Variants in CLN8 observed in about 807,000 individuals in gnomAD.
CLN8 encodes CLN8 transmembrane ER and ERGIC protein.
A neutral mutation model predicts 15.7 loss-of-function variants in CLN8; 14 were observed. The observed-to-expected ratio is 0.89, with a 90% CI of 0.59 to 1.39. The LOEUF (loss-of-function observed/expected upper bound fraction) is 1.39, where lower values mean the gene tolerates loss of function less well. Among genes scored for constraint, CLN8 ranks in the 40% most tolerant of loss-of-function variants. The probability of loss-of-function intolerance (pLI) is 0.00; values close to 1 mark genes in which losing one functional copy is unlikely to be tolerated. For missense variants in CLN8, 415 were observed against 364.0 expected (o/e 1.14, Z -1.14); for synonymous variants, 188 against 151.0 (o/e 1.25, Z -1.80).
At position 1,764,109 on chromosome 8, in the gene CLN8, C is replaced by G. The variant is rs113425042; in HGVS notation, c.-124+224C>G. On this transcript the variant is annotated intron_variant, in intron 1 of 2. Coordinates refer to ENST00000331222, the MANE Select transcript of CLN8 (RefSeq NM_018941.4). Reference sequence around the variant, plus strand: ...CTGAGGGGGAACCCAGATGGGCGCGCGGGAGCCCACGTGAGGGGGAGCCCG... The same window carrying G: ...CTGAGGGGGAACCCAGATGGGCGCGGGGGAGCCCACGTGAGGGGGAGCCCG... Among the ~76,000 whole-genome samples, 106 of 149,722 alleles carry G rather than the reference C, an allele frequency of 7.1e-4. 1 individual carries two copies. The highest frequency in any genetic ancestry group is 2.4e-3 in the African/African-American group (98 of 40,618).
intron 2 of CLN8, among the ~76,000 whole-genome samples, chr8:1,778,440 T>G (rs1004895678): frequency 6.6e-6 from 1 of 152,202 alleles, no homozygotes; most frequent in Non-Finnish European, 1.5e-5. Flanking sequence ...CCCTGTCCCA[T>G]TCAGTTTGGA....
intron 1 of CLN8, chr8:1,764,517 C>T (rs1001630194): frequency 1.3e-5 from 2 of 152,424 alleles, no homozygotes; most frequent in African/African-American, 2.4e-5. Flanking sequence ...GCAGGTGTCA[C>T]GTGGGTGTGG....
upstream of CLN8, chr8:1,762,319 G>A (rs1050792251): frequency 2.0e-5 from 3 of 152,216 alleles, no homozygotes; most frequent in Non-Finnish European, 4.4e-5. Context: ...GAGTAGCTGA[G>A]ATTACAGGTG....
At chr8:1,757,437 T>C (rs912025016) in intron 1 of CLN8, among the ~76,000 whole-genome samples, 14 of 152,288 alleles carry the variant, frequency 9.2e-5, no homozygotes, top group Middle Eastern at 3.4e-3. Flanking sequence ...AAGGCACTTT[T>C]TTTGGTTTTG....
chr8:1,757,331 G>A (rs1800693980), intron 1 of CLN8, among the ~76,000 whole-genome samples: 1 of 152,220 alleles, frequency 6.6e-6, no homozygotes, highest in South Asian at 2.1e-4. Flanking sequence ...TCCAGACACT[G>A]CCAAATGTCC....
In CLN8 at chr8:1,771,000, T is replaced by C. The variant is rs886996594; in HGVS notation, c.-55T>C. The C allele has an allele frequency of 7.7e-6, 12 of 1,556,144 alleles. No individual in the cohort carries two copies. The African/African-American group carries it at 1.1e-4, about 14-fold the overall frequency. On this transcript the variant is annotated 5_prime_UTR_variant, in exon 2 of 3. Coordinates refer to ENST00000331222, the MANE Select transcript of CLN8 (RefSeq NM_018941.4). ...CTTCATTTCCTTAGACAAGACACAGTGTAGGGCCCGGCCCGTGTTGGCCCC... is the reference window on the plus strand; with the variant it reads ...CTTCATTTCCTTAGACAAGACACAGCGTAGGGCCCGGCCCGTGTTGGCCCC...
chr8:1,775,356 G>A (rs1442360318), intron 2 of CLN8, among the ~76,000 whole-genome samples: 1 of 152,122 alleles, frequency 6.6e-6, no homozygotes, highest in Non-Finnish European at 1.5e-5. Flanking sequence ...GTCCCCCAAG[G>A]ATACTGAGGG....
chr8:1,763,250 G>C (rs1232229956), upstream of CLN8: 1 of 151,930 alleles, frequency 6.6e-6, no homozygotes, highest in Non-Finnish European at 1.5e-5. Flanking sequence ...GGTCCCCTCG[G>C]CCCCGTCCGG....
chr8:1,767,842 A>G (rs1327437121), intron 1 of CLN8, among the ~76,000 whole-genome samples: 1 of 151,770 alleles, frequency 6.6e-6, no homozygotes, highest in Non-Finnish European at 1.5e-5. Context: ...AAGTGCTGGG[A>G]TTACAGGCGT....
chr8:1,780,380 G>A lies in CLN8; in HGVS notation c.674G>A (p.Ser225Asn). 1 of 1,614,268 alleles carries A rather than the reference G, an allele frequency of 6.2e-7. No individual in the cohort carries two copies. Among genetic ancestry groups the A allele is most frequent in the Non-Finnish European group, 8.5e-7 (1 of 1,180,048 alleles). ...TGGCACTGGGACGGCCTGGTCAGCA[G>A]CCTGTATCTGCCTCATTTGACACTG... ...CFWHWDGLVS[S>N]LYLPHLTLFL... Residue 225 changes from serine to asparagine, a missense_variant, in exon 3 of 3, where the codon AGC becomes AAC. Transcript: ENST00000331222.
At chr8:1,772,190 C>T (rs1159888335) in intron 2 of CLN8, among the ~76,000 whole-genome samples, 3 of 152,036 alleles carry the variant, frequency 2.0e-5, no homozygotes, top group Non-Finnish European at 4.4e-5. Flanking sequence ...CCTGCCTGGG[C>T]CTCCCAAAGT....
upstream of CLN8, among the ~76,000 whole-genome samples, chr8:1,761,547 ACTT>A (rs1267444575): frequency 1.3e-5 from 2 of 152,080 alleles, no homozygotes; most frequent in Non-Finnish European, 2.9e-5. Context: ...CTGGTCTTGA[ACTT>A]CTGACCTCAA....
chr8:1,759,497 A>G (rs1800742818), upstream of CLN8: 1 of 152,222 alleles, frequency 6.6e-6, no homozygotes, highest in African/African-American at 2.4e-5. Context: ...AGGTGATAAG[A>G]TACCGAGGGT....
In CLN8 at chr8:1,782,853, A is replaced by G. The variant is rs530303738; in HGVS notation, c.*2286A>G. 1 of 152,342 alleles carries G rather than the reference A, an allele frequency of 6.6e-6. No individual in the cohort carries two copies. Among genetic ancestry groups the G allele is most frequent in the South Asian group, 2.1e-4 (1 of 4,828 alleles). The allele number at this position is 152,342 out of a possible 1,614,324, so 9.4% of individuals were successfully genotyped here. ...ACAGCCTAATTTTTATCTCACCTCC[A>G]CTAGGACTTTGACCTTCCCAGGGGT... On this transcript the variant is annotated 3_prime_UTR_variant, in exon 3 of 3. Coordinates refer to ENST00000331222, the MANE Select transcript of CLN8 (RefSeq NM_018941.4).
chr8:1,769,814 A>G (rs945220971), intron 1 of CLN8, among the ~76,000 whole-genome samples: 23 of 152,168 alleles, frequency 1.5e-4, no homozygotes, highest in Non-Finnish European at 1.9e-4. Context: ...TTGAGGGCCC[A>G]CTGTGGACCC....
At chr8:1,775,884 C>T (rs973981895) in intron 2 of CLN8, among the ~76,000 whole-genome samples, 10 of 152,348 alleles carry the variant, frequency 6.6e-5, no homozygotes, top group Admixed American at 3.9e-4. Context: ...GTGCCAGGTG[C>T]CGGGTCATAA....
rs376824696 is a variant in CLN8, at chr8:1,766,421, A to G, written c.-124+2536A>G. Among the ~76,000 whole-genome samples the G allele has an allele frequency of 4.2e-3, 553 of 132,756 alleles. 6 individuals carry two copies. The highest frequency in any genetic ancestry group is 0.014 in the African/African-American group (478 of 34,412). 87.1% of individuals were successfully genotyped at this position (132,756 alleles called of 152,430 possible). A position where few individuals can be genotyped will look rare whatever the true frequency, so the allele number is the denominator to read the frequency against. Reference sequence around the variant, plus strand: ...TTTTTTTTTTTTGAGACGGAGCCTCACTCTGTCACCCAGGCTGGAGTGCAG... The same window carrying G: ...TTTTTTTTTTTTGAGACGGAGCCTCGCTCTGTCACCCAGGCTGGAGTGCAG... On this transcript the variant is annotated intron_variant, in intron 1 of 2. Transcript: ENST00000331222.
At chr8:1,758,376 T>C (rs971517541) in intron 1 of CLN8, 1 of 152,180 alleles carries the variant, frequency 6.6e-6, no homozygotes, top group African/African-American at 2.4e-5. Context: ...CTGAGCCAAA[T>C]ATGAGGACTT....
upstream of CLN8, among the ~76,000 whole-genome samples, chr8:1,753,909 T>C (rs974566738): frequency 6.7e-6 from 1 of 150,266 alleles, no homozygotes; most frequent in African/African-American, 2.5e-5. Context: ...GAAAAGAAAA[T>C]TTCTCATTCT....
Sources: gnomAD v4.1 joint callset for allele counts (sites outside exome capture counted in the v4.1 genomes callset) on GRCh38, gnomAD v4.1.1 for gene constraint, MANE v1.5 for transcripts, NCBI Gene and HGNC (gene_info 2026-07-23, HGNC 2026-07-21) for gene names.